The following SGSM1 variants were observed in gnomAD, a reference collection of about 807,000 sequenced individuals.
The protein encoded by SGSM1 is small G protein signaling modulator 1, also known as RUN and TBC1 domain containing 2.
Under a neutral mutation model 133.8 loss-of-function variants are expected in SGSM1, and 73 were observed. The observed-to-expected ratio is 0.55, with a 90% confidence interval of 0.45 to 0.66. The LOEUF is 0.66. SGSM1 is among the 30% of genes least tolerant of loss of function. The pLI is 0.00. For missense variants in SGSM1, 1,213 were observed against 1,448.1 expected (o/e 0.84, Z 2.64); for synonymous variants, 563 against 573.0 (o/e 0.98, Z 0.25).
At chr22:24,825,413 TA>T (rs1569135317) in intron 2 of SGSM1, among the ~76,000 whole-genome samples, 1 of 152,106 alleles carries the variant, frequency 6.6e-6, no homozygotes, top group African/African-American at 2.4e-5. Flanking sequence ...GCTCACTTAC[TA>T]AGTTATTTTT....
intron 5 of SGSM1, among the ~76,000 whole-genome samples, chr22:24,852,331 CAT>C (rs1266924308): frequency 6.6e-6 from 1 of 152,194 alleles, no homozygotes. Flanking sequence ...ATATAACCCA[CAT>C]CACCATCAGG....
At chr22:24,862,141 G>A (rs1413964559) in intron 9 of SGSM1, among the ~76,000 whole-genome samples, 3 of 151,790 alleles carry the variant, frequency 2.0e-5, no homozygotes, top group South Asian at 2.1e-4. Context: ...GTAGAGACAG[G>A]GTTTCTCCGT....
rs1930727420 is a variant in SGSM1, at chr22:24,855,592, C to A, written c.713C>A (p.Ser238Tyr). 3 of 1,613,818 alleles carry A rather than the reference C, an allele frequency of 1.9e-6. No homozygotes were observed. Among genetic ancestry groups the A allele is most frequent in the Non-Finnish European group, 2.5e-6 (3 of 1,179,876 alleles). ...HSSGSMDDRP[S>Y]LSARDYVESL... is the part of the protein sequence containing the mutation. ...AGTGGCAGCATGGATGACCGGCCAT[C>A]CCTCTCTGCCCGCGACTACGTGGAG... Residue 238 changes from serine to tyrosine, a missense_variant, in exon 8 of 25, where the codon TCC becomes TAC. Physicochemically the swap from Ser to Tyr is moderately radical, Grantham distance 144. Coordinates refer to ENST00000400358, the MANE Select transcript of SGSM1 (RefSeq NM_001098497.3).
rs1601891124 is a variant in SGSM1, at chr22:24,822,095, T to C, written c.63+15611T>C. ...CTACCTGTTCATCTCTCTCTTTTTTTTTTTTTTTTTTTTGAGACAGAGTCT... is the reference window on the plus strand; with the variant it reads ...CTACCTGTTCATCTCTCTCTTTTTTCTTTTTTTTTTTTTGAGACAGAGTCT... On this transcript the variant is annotated intron_variant, in intron 2 of 24. Coordinates refer to ENST00000400358, the MANE Select transcript of SGSM1 (RefSeq NM_001098497.3). Among the ~76,000 whole-genome samples the C allele has an allele frequency of 2.8e-5, 4 of 141,174 alleles. No individual in the cohort carries two copies. The East Asian group carries it at 8.7e-4, about 31-fold the overall frequency. The allele number at this position is 141,174 out of a possible 152,430, so 92.6% of individuals were successfully genotyped here.
intron 7 of SGSM1, 41 bp from the exon 8 acceptor site, chr22:24,855,508 C>T: frequency 6.2e-7 from 1 of 1,613,382 alleles, no homozygotes; most frequent in Non-Finnish European, 8.5e-7. Flanking sequence ...CTGAAAATCA[C>T]CCCAGGCCTC....
At chr22:24,917,042 C>T (rs1212362860) in intron 22 of SGSM1, among the ~76,000 whole-genome samples, 2 of 140,704 alleles carry the variant, frequency 1.4e-5, no homozygotes, top group Non-Finnish European at 3.0e-5. Flanking sequence ...CCATGCCAGG[C>T]TAATAAAAAA....
intron 20 of SGSM1, 145 bp downstream of exon 20, chr22:24,902,102 T>C: frequency 1.2e-6 from 1 of 862,478 alleles, no homozygotes; most frequent in Admixed American, 2.5e-5. Flanking sequence ...ACAGTGAAAA[T>C]TTAACAACAA....
chr22:24,902,274 G>T (rs1285261465), intron 20 of SGSM1, among the ~76,000 whole-genome samples: 2 of 152,208 alleles, frequency 1.3e-5, no homozygotes, highest in Admixed American at 1.3e-4. Context: ...TGGGCATCGG[G>T]CAGTGGCTGA....
chr22:24,856,588 C>T (rs570488921), intron 8 of SGSM1, among the ~76,000 whole-genome samples: 168 of 152,178 alleles, frequency 1.1e-3, no homozygotes, highest in African/African-American at 3.8e-3. Context: ...TTGGCCTCAG[C>T]GGGAGGAAGC....
intron 2 of SGSM1, among the ~76,000 whole-genome samples, chr22:24,831,820 C>T (rs1433634636): frequency 6.6e-6 from 1 of 152,242 alleles, no homozygotes; most frequent in African/African-American, 2.4e-5. Context: ...GTAAAAGTCC[C>T]CAACGCCCCA....
intron 19 of SGSM1, among the ~76,000 whole-genome samples, chr22:24,900,356 T>C (rs991326491): frequency 2.4e-5 from 2 of 84,316 alleles, no homozygotes; most frequent in African/African-American, 1.1e-4. Context: ...TCTTTCTTTC[T>C]TTCTTTCTTT....
intron 2 of SGSM1, chr22:24,814,216 A>G (rs1927925081): frequency 6.6e-6 from 1 of 152,146 alleles, no homozygotes; most frequent in African/African-American, 2.4e-5. Context: ...CCTTCAGTTC[A>G]CTCAAGGAAA....
chr22:24,873,543 A>G (rs1931870074), intron 12 of SGSM1, among the ~76,000 whole-genome samples: 1 of 152,126 alleles, frequency 6.6e-6, no homozygotes. Flanking sequence ...TGAGGGAGAA[A>G]GAGTAGGCTC....
chr22:24,918,190 G>C (rs561835061), intron 23 of SGSM1, among the ~76,000 whole-genome samples: 2 of 152,220 alleles, frequency 1.3e-5, no homozygotes, highest in South Asian at 4.2e-4. Flanking sequence ...GTTCAGATTT[G>C]GGGTGATGTT....
chr22:24,806,547 G>T, intron 2 of SGSM1, 63 bp downstream of exon 2: 3 of 1,474,306 alleles, frequency 2.0e-6, no homozygotes, highest in Non-Finnish European at 2.7e-6. Flanking sequence ...AACGGGAAAA[G>T]AGTCTTCGTG....
At chr22:24,897,055 C>T (rs1433835993) in intron 18 of SGSM1, among the ~76,000 whole-genome samples, 1 of 152,024 alleles carries the variant, frequency 6.6e-6, no homozygotes, top group African/African-American at 2.4e-5. Context: ...ATTGTCTCCC[C>T]TTATTTTGAT....
Position 24,872,511 on chromosome 22 carries a change from T to C in SGSM1, c.1291+3656T>C, listed in dbSNP as rs1931816295. Reference sequence around the variant, plus strand: ...TTGTTAAAAAAAAAAGTCTCAATAATTTTATATTGATTAGATGTTAAAATA... The same window carrying C: ...TTGTTAAAAAAAAAAGTCTCAATAACTTTATATTGATTAGATGTTAAAATA... On this transcript the variant is annotated intron_variant, in intron 12 of 24. Transcript: ENST00000400358. Among the ~76,000 whole-genome samples, 4 of 152,190 alleles carry C rather than the reference T, an allele frequency of 2.6e-5. No homozygotes were observed. In the South Asian group the frequency reaches 8.3e-4, roughly 32 times the overall value.
At chr22:24,887,206 A>G (rs925927137) in intron 16 of SGSM1, among the ~76,000 whole-genome samples, 1 of 151,046 alleles carries the variant, frequency 6.6e-6, no homozygotes, top group Admixed American at 6.6e-5. Context: ...TACATTTTTA[A>G]TGCTATAAGG....
At chr22:24,872,569 T>C (rs1287084068) in intron 12 of SGSM1, among the ~76,000 whole-genome samples, 3 of 152,180 alleles carry the variant, frequency 2.0e-5, no homozygotes, top group African/African-American at 4.8e-5. Context: ...TTAGACAAAA[T>C]ATATTGCTGG....
Sources: gnomAD v4.1 joint callset for allele counts (sites outside exome capture counted in the v4.1 genomes callset) on GRCh38, gnomAD v4.1.1 for gene constraint, MANE v1.5 for transcripts, NCBI Gene and HGNC (gene_info 2026-07-23, HGNC 2026-07-21) for gene names.